Variants in NRG3 observed in about 807,000 individuals in gnomAD.
NRG3 encodes the protein neuregulin 3, also known as pro-neuregulin-3, membrane-bound isoform.
NRG3 carries 31 observed loss-of-function variants against 66.9 expected under a neutral mutation model. The observed-to-expected ratio is 0.46, with a 90% CI of 0.35 to 0.63. The LOEUF (loss-of-function observed/expected upper bound fraction) is 0.63. Ranked by LOEUF, NRG3 falls within the 20% of genes least tolerant of loss-of-function variation. The probability of loss-of-function intolerance (pLI) is 0.00; values close to 1 mark genes in which losing one functional copy is unlikely to be tolerated. For synonymous variants in NRG3, 393 were observed against 359.4 expected (o/e 1.09, Z -1.06); for missense variants, 910 against 878.9 (o/e 1.04, Z -0.45).
chr10:82,975,223 G>A (rs2132606020), intron 7 of NRG3, among the ~76,000 whole-genome samples: 1 of 152,278 alleles, frequency 6.6e-6, no homozygotes, highest in Non-Finnish European at 1.5e-5. Context: ...TCTTTTCGAA[G>A]ACAGATATTT....
chr10:82,656,308 C>CTTT (rs3040205), intron 2 of NRG3, among the ~76,000 whole-genome samples: 11 of 132,034 alleles, frequency 8.3e-5, no homozygotes, highest in South Asian at 2.4e-4. Flanking sequence ...TTTCTTTTTT[C>CTTT]TTTTTTTTTT....
intron 2 of NRG3, among the ~76,000 whole-genome samples, chr10:82,429,533 T>A (rs564689918): frequency 1.3e-5 from 2 of 152,122 alleles, no homozygotes; most frequent in African/African-American, 4.8e-5. Context: ...GTAAATTTTG[T>A]GTTTTTTTCT....
chr10:82,474,294 G>T (rs1468594997), intron 2 of NRG3, among the ~76,000 whole-genome samples: 2 of 151,806 alleles, frequency 1.3e-5, no homozygotes, highest in East Asian at 3.9e-4. Flanking sequence ...GAGCTTACTA[G>T]ATAAAGACTT....
intron 3 of NRG3, among the ~76,000 whole-genome samples, chr10:82,739,550 T>C (rs2134755810): frequency 6.6e-6 from 1 of 152,370 alleles, no homozygotes; most frequent in East Asian, 1.9e-4. Flanking sequence ...TGCGTTTTGC[T>C]GCATAATGAA....
intron 3 of NRG3, among the ~76,000 whole-genome samples, chr10:82,772,843 G>A (rs2059768945): frequency 6.6e-6 from 1 of 151,308 alleles, no homozygotes; most frequent in South Asian, 2.1e-4. Flanking sequence ...GTAGGTGGGG[G>A]AACAAACATG....
intron 3 of NRG3, among the ~76,000 whole-genome samples, chr10:82,745,070 C>T (rs140679031): frequency 1.3e-5 from 2 of 152,140 alleles, no homozygotes; most frequent in Non-Finnish European, 2.9e-5. Context: ...AATGAGGACA[C>T]ACGAAAGACA....
chr10:81,961,540 C>CT (rs1850366688), intron 1 of NRG3, among the ~76,000 whole-genome samples: 1 of 152,108 alleles, frequency 6.6e-6, no homozygotes, highest in Non-Finnish European at 1.5e-5. Flanking sequence ...CTCTCAATTT[C>CT]CTTTATTTTT....
intron 1 of NRG3, among the ~76,000 whole-genome samples, chr10:82,350,167 A>G (rs1313557659): frequency 2.0e-5 from 3 of 152,380 alleles, no homozygotes; most frequent in East Asian, 3.9e-4. Context: ...GTATGTTCAC[A>G]AAAGTATAGA....
At position 82,083,870 on chromosome 10, in the gene NRG3, G is replaced by A. The variant is rs796896493; in HGVS notation, c.823+207707G>A. On this transcript the variant is annotated intron_variant, in intron 1 of 8. Coordinates refer to ENST00000372141, the MANE Select transcript of NRG3 (RefSeq NM_001010848.4). Reference sequence around the variant, plus strand: ...GACCTCAGGTGATCCACCTGCCTTGGCCTCCCAAAGTGCTGGGATTACAGG... The same window carrying A: ...GACCTCAGGTGATCCACCTGCCTTGACCTCCCAAAGTGCTGGGATTACAGG... Among the ~76,000 whole-genome samples, 3 of 151,718 alleles carry A rather than the reference G, an allele frequency of 2.0e-5. No homozygotes were observed. In the South Asian group the frequency reaches 6.3e-4, roughly 32 times the overall value.
At chr10:82,064,797 A>T (rs1318532321) in intron 1 of NRG3, among the ~76,000 whole-genome samples, 1 of 152,180 alleles carries the variant, frequency 6.6e-6, no homozygotes, top group Non-Finnish European at 1.5e-5. Context: ...CTCTCCTGAA[A>T]GTTTGCTGAA....
chr10:82,273,135 T>A (rs1026827954), intron 1 of NRG3, among the ~76,000 whole-genome samples: 1 of 152,108 alleles, frequency 6.6e-6, no homozygotes, highest in Non-Finnish European at 1.5e-5. Flanking sequence ...TTTATTATAT[T>A]TGCTGTATCT....
intron 1 of NRG3, among the ~76,000 whole-genome samples, chr10:81,965,410 G>A (rs1000813116): frequency 6.6e-6 from 1 of 152,038 alleles, no homozygotes; most frequent in African/African-American, 2.4e-5. Context: ...ATTTAATAGA[G>A]TTTATATTTT....
chr10:82,327,891 G>C (rs909491911), intron 1 of NRG3, among the ~76,000 whole-genome samples: 1 of 152,116 alleles, frequency 6.6e-6, no homozygotes, highest in Admixed American at 6.6e-5. Flanking sequence ...GCTTCTCTCT[G>C]AGTCCTCTCA....
intron 2 of NRG3, among the ~76,000 whole-genome samples, chr10:82,455,214 T>C (rs1259373880): frequency 6.6e-6 from 1 of 152,218 alleles, no homozygotes; most frequent in African/African-American, 2.4e-5. Flanking sequence ...AATGATGGAA[T>C]ATGTTCTTAG....
intron 1 of NRG3, among the ~76,000 whole-genome samples, chr10:82,130,050 T>C (rs1031140324): frequency 2.0e-5 from 3 of 152,078 alleles, no homozygotes; most frequent in Non-Finnish European, 4.4e-5. Flanking sequence ...TCTATCTCCA[T>C]GCATGCAATT....
At chr10:82,210,142 A>C (rs1264159250) in intron 1 of NRG3, among the ~76,000 whole-genome samples, 1 of 152,202 alleles carries the variant, frequency 6.6e-6, no homozygotes, top group East Asian at 1.9e-4. Context: ...GAGGCTCTGC[A>C]TAAATGAATT....
intron 4 of NRG3, among the ~76,000 whole-genome samples, chr10:82,866,262 G>A (rs908531351): frequency 6.6e-6 from 1 of 152,080 alleles, no homozygotes. Flanking sequence ...CTTGTATAAT[G>A]TGGATATGAA....
intron 8 of NRG3, among the ~76,000 whole-genome samples, chr10:82,982,965 C>G (rs1853077616): frequency 6.6e-6 from 1 of 152,152 alleles, no homozygotes. Context: ...GAGAAGAACC[C>G]TCAAAGTTTG....
chr10:82,471,580 T>C (rs151198164), intron 2 of NRG3, among the ~76,000 whole-genome samples: 2 of 152,302 alleles, frequency 1.3e-5, no homozygotes, highest in East Asian at 3.9e-4. Context: ...GTAACATAAC[T>C]TCAGGGAAAA....
Sources: allele counts gnomAD v4.1 joint callset (sites outside exome capture counted in the v4.1 genomes callset), GRCh38; gene constraint gnomAD v4.1.1; transcripts MANE v1.5; gene names NCBI Gene and HGNC (gene_info 2026-07-23, HGNC 2026-07-21).